Variants in EGFR observed in about 807,000 individuals in gnomAD.
The protein encoded by EGFR is avian erythroblastic leukemia viral (v-erb-b) oncogene homolog.
Under a neutral mutation model 143.0 loss-of-function variants are expected in EGFR, and 58 were observed. The observed-to-expected ratio is 0.41, with a 90% CI of 0.33 to 0.50. The LOEUF (loss-of-function observed/expected upper bound fraction) is 0.50, where lower values mean the gene tolerates loss of function less well. Ranked by LOEUF, EGFR falls within the 20% of genes least tolerant of loss-of-function variation. EGFR has a pLI of 0.39. For synonymous variants in EGFR, 613 were observed against 594.4 expected, an observed-to-expected ratio of 1.03 and a Z score of -0.45; for missense variants, 1,307 against 1,579.0, an observed-to-expected ratio of 0.83 and a Z score of 2.92.
intron 1 of EGFR, among the ~76,000 whole-genome samples, chr7:55,072,525 T>G (rs1789891483): frequency 6.6e-6 from 1 of 152,210 alleles, no homozygotes. Context: ...TGTCAATCAT[T>G]GCTCTCATGA....
chr7:55,065,097 T>C (rs1389276155), intron 1 of EGFR, among the ~76,000 whole-genome samples: 1 of 152,226 alleles, frequency 6.6e-6, no homozygotes, highest in Non-Finnish European at 1.5e-5. Context: ...ACTCAAGTTA[T>C]CTGAAAAGTG....
intron 1 of EGFR, among the ~76,000 whole-genome samples, chr7:55,136,591 T>C (rs17336303): frequency 1.5e-3 from 222 of 152,356 alleles, no homozygotes; most frequent in African/African-American, 5.2e-3. Flanking sequence ...ACACACATCC[T>C]TACAGACACT....
intron 1 of EGFR, among the ~76,000 whole-genome samples, chr7:55,055,055 C>T (rs1050464647): frequency 6.6e-5 from 10 of 152,222 alleles, no homozygotes; most frequent in East Asian, 1.9e-4. Flanking sequence ...CTCATTTCCC[C>T]GATGGGGGGT....
chr7:55,041,868 G>T (rs918220658), intron 1 of EGFR, among the ~76,000 whole-genome samples: 9 of 152,072 alleles, frequency 5.9e-5, no homozygotes, highest in Non-Finnish European at 1.2e-4. Flanking sequence ...AACAGTACTT[G>T]GATTAAAACT....
At chr7:55,198,944 T>C in intron 23 of EGFR, 81 bp downstream of exon 23, 1 of 1,571,222 alleles carries the variant, frequency 6.4e-7, no homozygotes, top group Non-Finnish European at 8.7e-7. Flanking sequence ...GGCCTTTGCA[T>C]CCCTGGAGAA....
At chr7:55,093,526 C>G (rs1791260696) in intron 1 of EGFR, among the ~76,000 whole-genome samples, 1 of 152,192 alleles carries the variant, frequency 6.6e-6, no homozygotes, top group African/African-American at 2.4e-5. Flanking sequence ...TGATGGTAAA[C>G]AGAATGAGGA....
chr7:55,156,016 C>A, intron 8 of EGFR, 70 bp downstream of exon 8: 1 of 982,986 alleles, frequency 1.0e-6, no homozygotes, highest in Non-Finnish European at 1.6e-6. Context: ...ATGCCACCTC[C>A]AAAGGAACAC....
chr7:55,083,754 A>T (rs1790602792), intron 1 of EGFR, among the ~76,000 whole-genome samples: 1 of 152,266 alleles, frequency 6.6e-6, no homozygotes, highest in East Asian at 1.9e-4. Context: ...TATAATGCAG[A>T]CATGCATTAA....
chr7:55,092,845 A>G (rs4947490), intron 1 of EGFR, among the ~76,000 whole-genome samples: 105,557 of 152,152 alleles, frequency 0.69, 37,020 homozygotes, highest in East Asian at 0.97. Context: ...GATAACAAAT[A>G]TGGTTCTGAT....
intron 1 of EGFR, among the ~76,000 whole-genome samples, chr7:55,031,597 A>T (rs17335752): frequency 0.017 from 2,656 of 152,312 alleles, 65 homozygotes; most frequent in African/African-American, 0.06. Context: ...TTATCACATG[A>T]CAGAGTTCTT....
chr7:55,184,533 T>G (rs6970029), intron 20 of EGFR, among the ~76,000 whole-genome samples: 88,226 of 152,104 alleles, frequency 0.58, 26,293 homozygotes, highest in Middle Eastern at 0.69. Context: ...ACTTAGTGCG[T>G]GTCCCATTTA....
At chr7:55,187,376 T>G (rs1787186054) in intron 20 of EGFR, among the ~76,000 whole-genome samples, 10 of 152,214 alleles carry the variant, frequency 6.6e-5, no homozygotes, top group Admixed American at 6.5e-4. Flanking sequence ...ATGCGGTGTT[T>G]ACGTCACTTG....
At chr7:55,033,022 CA>C (rs1787349945) in intron 1 of EGFR, among the ~76,000 whole-genome samples, 1 of 152,190 alleles carries the variant, frequency 6.6e-6, no homozygotes, top group Non-Finnish European at 1.5e-5. Context: ...CACTGGTTCT[CA>C]GTATGTCCAA....
At chr7:55,165,839 A>T (rs2128946968) in intron 15 of EGFR, among the ~76,000 whole-genome samples, 1 of 152,312 alleles carries the variant, frequency 6.6e-6, no homozygotes, top group Middle Eastern at 3.4e-3. Flanking sequence ...GCTTAAAGAC[A>T]CTTTTTTAAA....
At position 55,173,220 on chromosome 7, in the gene EGFR, G is replaced by A. The variant is rs17290308; in HGVS notation, c.2061+96G>A. ...GGGCCATTAGCAGTTGTGTATGTTA[G>A]ATACATAATTGTATTATGATGCAGA... On this transcript the variant is annotated intron_variant, in intron 17 of 27. Transcript: ENST00000275493. The A allele has an allele frequency of 0.017, 25,698 of 1,518,422 alleles. 358 individuals carry two copies. The highest frequency in any genetic ancestry group is 0.018 in the Non-Finnish European group (20,214 of 1,117,938). 94.1% of individuals were successfully genotyped at this position (1,518,422 alleles called of 1,614,324 possible).
chr7:55,140,505 G>T (rs1003963002), intron 1 of EGFR, among the ~76,000 whole-genome samples: 2 of 152,160 alleles, frequency 1.3e-5, no homozygotes, highest in Admixed American at 6.5e-5. Flanking sequence ...ACATGTTATT[G>T]TCACAACCTG....
intron 21 of EGFR, among the ~76,000 whole-genome samples, chr7:55,192,474 G>A (rs1368390409): frequency 2.0e-5 from 3 of 152,190 alleles, no homozygotes; most frequent in Non-Finnish European, 2.9e-5. Flanking sequence ...GCTGGGCCCT[G>A]AAAACACACG....
intron 16 of EGFR, 49 bp from the exon 17 acceptor site, chr7:55,172,934 G>C (rs2128952297): frequency 6.2e-7 from 1 of 1,614,020 alleles, no homozygotes; most frequent in Non-Finnish European, 8.5e-7. Context: ...CCAAGGCCAT[G>C]GAATCTGTCA....
intron 27 of EGFR, 107 bp downstream of exon 27, chr7:55,202,732 G>A (rs1388579252): frequency 6.9e-6 from 7 of 1,016,506 alleles, no homozygotes. Context: ...CATCTCCAGA[G>A]GGGGAAACAG....
Sources: allele counts gnomAD v4.1 joint callset (sites outside exome capture counted in the v4.1 genomes callset), GRCh38; gene constraint gnomAD v4.1.1; transcripts MANE v1.5; gene names NCBI Gene and HGNC (gene_info 2026-07-23, HGNC 2026-07-21).